Variants in PPP3CA observed in about 807,000 individuals in gnomAD.
The protein encoded by PPP3CA is CAM-PRP catalytic subunit.
A neutral mutation model predicts 66.5 loss-of-function variants in PPP3CA; 14 were observed. That is an observed-to-expected ratio of 0.21 (90% confidence interval 0.14 to 0.33). PPP3CA has a LOEUF of 0.33. PPP3CA is among the 10% of genes least tolerant of loss of function. The pLI is 1.00. For missense variants in PPP3CA, 317 were observed against 639.5 expected, an observed-to-expected ratio of 0.50 and a Z score of 5.44; for synonymous variants, 232 against 226.2, an observed-to-expected ratio of 1.03 and a Z score of -0.23.
chr4:101,334,613 T>G (rs1342336462), intron 1 of PPP3CA, among the ~76,000 whole-genome samples: 1 of 152,180 alleles, frequency 6.6e-6, no homozygotes, highest in Non-Finnish European at 1.5e-5. Flanking sequence ...CTGAAATATC[T>G]ATCAAAAAAG....
At chr4:101,199,903 C>T (rs757243165) in intron 1 of PPP3CA, among the ~76,000 whole-genome samples, 7 of 152,130 alleles carry the variant, frequency 4.6e-5, no homozygotes, top group Non-Finnish European at 1.0e-4. Context: ...ATTATTAAAG[C>T]TGTTGTCAGT....
At chr4:101,245,842 C>T (rs77188974) in intron 1 of PPP3CA, among the ~76,000 whole-genome samples, 1,993 of 152,106 alleles carry the variant, frequency 0.013, 35 homozygotes, top group African/African-American at 0.045. Context: ...CCCTTCCTCC[C>T]TTCAGAACAC....
At chr4:101,241,342 T>C (rs1003214348) in intron 1 of PPP3CA, among the ~76,000 whole-genome samples, 2 of 152,082 alleles carry the variant, frequency 1.3e-5, no homozygotes, top group Non-Finnish European at 2.9e-5. Flanking sequence ...TAAGATAATA[T>C]GTGGAAGGCC....
At chr4:101,092,643 T>G (rs1730006014) in intron 6 of PPP3CA, among the ~76,000 whole-genome samples, 1 of 152,074 alleles carries the variant, frequency 6.6e-6, no homozygotes, top group Non-Finnish European at 1.5e-5. Flanking sequence ...TGTGCCCATA[T>G]GTTCTCTTTG....
At chr4:101,122,496 T>C (rs1403767341) in intron 2 of PPP3CA, among the ~76,000 whole-genome samples, 3 of 152,134 alleles carry the variant, frequency 2.0e-5, no homozygotes, top group East Asian at 1.9e-4. Context: ...TGGAATACTA[T>C]AGGTATAGAC....
chr4:101,321,564 T>C (rs1729041750), intron 1 of PPP3CA, among the ~76,000 whole-genome samples: 1 of 152,208 alleles, frequency 6.6e-6, no homozygotes. Context: ...ATTTTTTCCT[T>C]TAAATTTTCT....
intron 2 of PPP3CA, among the ~76,000 whole-genome samples, chr4:101,187,932 T>C (rs1724466011): frequency 6.6e-6 from 1 of 152,124 alleles, no homozygotes; most frequent in African/African-American, 2.4e-5. Flanking sequence ...AAACGATCCT[T>C]TGTTTGAAAT....
chr4:101,229,690 C>A (rs900403110), intron 1 of PPP3CA, among the ~76,000 whole-genome samples: 2 of 151,506 alleles, frequency 1.3e-5, no homozygotes, highest in African/African-American at 4.8e-5. Flanking sequence ...TCCACTATAA[C>A]CCTTGGGCCA....
intron 1 of PPP3CA, among the ~76,000 whole-genome samples, chr4:101,344,379 T>A (rs1320314307): frequency 6.6e-6 from 1 of 152,206 alleles, no homozygotes; most frequent in Non-Finnish European, 1.5e-5. Flanking sequence ...CCTTGTATAA[T>A]GCCTTTCATG....
intron 1 of PPP3CA, among the ~76,000 whole-genome samples, chr4:101,293,180 A>T (rs1728085267): frequency 6.6e-6 from 1 of 152,222 alleles, no homozygotes; most frequent in Non-Finnish European, 1.5e-5. Context: ...GGAAAGGGAA[A>T]GCAGCATGGA....
chr4:101,073,200 A>G (rs1248735016), intron 8 of PPP3CA, among the ~76,000 whole-genome samples: 1 of 150,538 alleles, frequency 6.6e-6, no homozygotes, highest in Admixed American at 6.6e-5. Flanking sequence ...GTTTACATAA[A>G]TTTCTTTTCT....
rs534767375 is a variant in PPP3CA, at chr4:101,204,179, T to A, written c.59-8063A>T. ...TGCCACCACACCTGACTAATTTTTT[T>A]AATTTTTTGTAGAGATAAGGTCTCA... On this transcript the variant is annotated intron_variant, in intron 1 of 13. Coordinates refer to ENST00000394854, the MANE Select transcript of PPP3CA (RefSeq NM_000944.5). Among the ~76,000 whole-genome samples, 24 of 152,214 alleles carry A rather than the reference T, an allele frequency of 1.6e-4. No individual in the cohort carries two copies. The South Asian group carries it at 2.3e-3, about 14-fold the overall frequency.
intron 1 of PPP3CA, among the ~76,000 whole-genome samples, chr4:101,198,566 AG>A (rs1724872502): frequency 6.6e-6 from 1 of 152,222 alleles, no homozygotes; most frequent in South Asian, 2.1e-4. Context: ...ATATATTGTC[AG>A]GCAGATAAAA....
intron 2 of PPP3CA, among the ~76,000 whole-genome samples, chr4:101,109,611 T>A (rs1196728484): frequency 6.8e-6 from 1 of 146,494 alleles, no homozygotes; most frequent in Non-Finnish European, 1.5e-5. Flanking sequence ...GAATCTAGAA[T>A]GTTATCCATT....
intron 2 of PPP3CA, among the ~76,000 whole-genome samples, chr4:101,148,953 C>T (rs1041338952): frequency 3.3e-5 from 5 of 152,108 alleles, no homozygotes; most frequent in African/African-American, 9.7e-5. Context: ...AGAAATTGTT[C>T]TTACATTCTT....
At chr4:101,080,863 C>T (rs966822858) in intron 7 of PPP3CA, among the ~76,000 whole-genome samples, 4 of 152,000 alleles carry the variant, frequency 2.6e-5, no homozygotes, top group Non-Finnish European at 4.4e-5. Flanking sequence ...CAGGTATTTT[C>T]TAAGTTAGCA....
chr4:101,136,347 C>T lies in PPP3CA; in HGVS notation c.260-27269G>A, dbSNP rs138133735. Among the ~76,000 whole-genome samples, 160 of 152,162 alleles carry T rather than the reference C, an allele frequency of 1.1e-3. 1 individual carries two copies. The highest frequency in any genetic ancestry group is 0.01 in the Middle Eastern group (3 of 294). On this transcript the variant is annotated intron_variant, in intron 2 of 13. Transcript: ENST00000394854. ...CTGGAGGTCAGGAGTTAGAGACCAA[C>T]CTGGCCAACATAATGAAACCCCGTC...
intron 1 of PPP3CA, among the ~76,000 whole-genome samples, chr4:101,248,355 T>C (rs940732348): frequency 1.3e-5 from 2 of 152,218 alleles, no homozygotes; most frequent in Non-Finnish European, 2.9e-5. Flanking sequence ...ATGATTCTTT[T>C]AATGCATGCA....
At chr4:101,106,995 C>T (rs1420518809) in intron 3 of PPP3CA, among the ~76,000 whole-genome samples, 2 of 152,166 alleles carry the variant, frequency 1.3e-5, no homozygotes, top group African/African-American at 4.8e-5. Flanking sequence ...TCCTGGCAGA[C>T]ACCAGTCCTA....
Sources: gnomAD v4.1 joint callset for allele counts (sites outside exome capture counted in the v4.1 genomes callset) on GRCh38, gnomAD v4.1.1 for gene constraint, MANE v1.5 for transcripts, NCBI Gene and HGNC (gene_info 2026-07-23, HGNC 2026-07-21) for gene names.